Variants in PRELID2 observed in about 807,000 individuals in gnomAD.
PRELID2 encodes PRELI domain containing 2.
Under a neutral mutation model 28.4 loss-of-function variants are expected in PRELID2, and 25 were observed. That is an observed-to-expected ratio of 0.88 (90% CI 0.64 to 1.23). The LOEUF is 1.23. Ranked by LOEUF, PRELID2 falls within the 50% of genes most tolerant of loss-of-function variation. PRELID2 has a pLI of 0.00. For synonymous variants in PRELID2, 76 were observed against 71.6 expected (o/e 1.06, Z -0.31); for missense variants, 201 against 214.4 (o/e 0.94, Z 0.39).
At chr5:145,678,970 C>T (rs1754878746) in intron 1 of PRELID2, among the ~76,000 whole-genome samples, 1 of 152,146 alleles carries the variant, frequency 6.6e-6, no homozygotes. Flanking sequence ...ATGTTGTCCT[C>T]GCTGATCTCT....
chr5:145,732,976 G>C (rs529400664), intron 1 of PRELID2, among the ~76,000 whole-genome samples: 4 of 151,182 alleles, frequency 2.6e-5, no homozygotes, highest in East Asian at 3.9e-4. Context: ...ATTTGTATAG[G>C]TGTTTTTCAA....
intron 1 of PRELID2, among the ~76,000 whole-genome samples, chr5:145,490,596 G>C (rs1185257495): frequency 6.6e-6 from 1 of 151,870 alleles, no homozygotes; most frequent in Non-Finnish European, 1.5e-5. Flanking sequence ...AATGCTAAAG[G>C]GAAACATAAA....
intron 1 of PRELID2, among the ~76,000 whole-genome samples, chr5:145,509,183 A>T (rs1415184842): frequency 6.6e-6 from 1 of 152,216 alleles, no homozygotes; most frequent in Non-Finnish European, 1.5e-5. Context: ...TACAACAGCA[A>T]TGACAACTGC....
intron 1 of PRELID2, among the ~76,000 whole-genome samples, chr5:145,497,330 G>A (rs1752317897): frequency 6.6e-6 from 1 of 151,964 alleles, no homozygotes; most frequent in Admixed American, 6.6e-5. Context: ...CCTCATAGTA[G>A]GAAAAAAATG....
At chr5:145,286,598 C>G in the PRELID2 span, among the ~76,000 whole-genome samples, 1 of 152,122 alleles carries the variant, frequency 6.6e-6, no homozygotes, top group Non-Finnish European at 1.5e-5. Flanking sequence ...AAGAAGCACT[C>G]TTTTTCATCA....
At chr5:145,697,560 G>C (rs769048287) in intron 1 of PRELID2, among the ~76,000 whole-genome samples, 3 of 152,198 alleles carry the variant, frequency 2.0e-5, no homozygotes, top group Non-Finnish European at 2.9e-5. Flanking sequence ...TATGCTAGCA[G>C]AGTAGAGGTC....
At chr5:145,677,570 G>A (rs1371989319) in intron 1 of PRELID2, among the ~76,000 whole-genome samples, 5 of 152,214 alleles carry the variant, frequency 3.3e-5, no homozygotes, top group South Asian at 2.1e-4. Flanking sequence ...TAGCAAGTGC[G>A]GCACAGATGA....
the PRELID2 span, among the ~76,000 whole-genome samples, chr5:145,360,043 C>T: frequency 6.6e-6 from 1 of 152,174 alleles, no homozygotes; most frequent in Non-Finnish European, 1.5e-5. Flanking sequence ...AAGCCCAAGG[C>T]TTGGGCAGGT....
chr5:145,545,880 T>G (rs181422888), intron 1 of PRELID2, among the ~76,000 whole-genome samples: 11 of 152,248 alleles, frequency 7.2e-5, no homozygotes, highest in African/African-American at 2.4e-4. Context: ...TCCTTTTCCT[T>G]AAAGTTGTTC....
chr5:145,236,669 C>T, the PRELID2 span, among the ~76,000 whole-genome samples: 1 of 152,076 alleles, frequency 6.6e-6, no homozygotes, highest in African/African-American at 2.4e-5. Context: ...CTTTTTACTT[C>T]CTTTTTTCTC....
chr5:145,415,618 T>A, the PRELID2 span, among the ~76,000 whole-genome samples: 14 of 150,868 alleles, frequency 9.3e-5, no homozygotes, highest in South Asian at 2.1e-4. Flanking sequence ...ACTCATCATT[T>A]TTTATGGCTG....
At chr5:145,341,716 GAA>G in the PRELID2 span, among the ~76,000 whole-genome samples, 1 of 131,144 alleles carries the variant, frequency 7.6e-6, no homozygotes. Flanking sequence ...CAAAATTTTA[GAA>G]AAAAAAAAAA....
the PRELID2 span, among the ~76,000 whole-genome samples, chr5:145,382,278 T>C: frequency 6.6e-6 from 1 of 151,992 alleles, no homozygotes; most frequent in South Asian, 2.1e-4. Flanking sequence ...TGAATAATGT[T>C]AAGCAGTCTA....
intron 1 of PRELID2, among the ~76,000 whole-genome samples, chr5:145,707,075 A>G (rs1182065902): frequency 1.3e-5 from 2 of 152,184 alleles, no homozygotes; most frequent in African/African-American, 2.4e-5. Flanking sequence ...ACGTGAAAAA[A>G]TTTATTAAGC....
chr5:145,610,563 G>C (rs773631301), intron 1 of PRELID2, among the ~76,000 whole-genome samples: 1 of 152,178 alleles, frequency 6.6e-6, no homozygotes, highest in Admixed American at 6.5e-5. Flanking sequence ...GCTTATGAGA[G>C]ATCCTGACTA....
At chr5:145,252,123 C>A in the PRELID2 span, among the ~76,000 whole-genome samples, 14 of 152,250 alleles carry the variant, frequency 9.2e-5, no homozygotes, top group South Asian at 2.9e-3. Context: ...TTGGCATCAC[C>A]TGGGAGCTTG....
the PRELID2 span, among the ~76,000 whole-genome samples, chr5:145,298,475 T>C: frequency 6.6e-6 from 1 of 152,146 alleles, no homozygotes; most frequent in African/African-American, 2.4e-5. Context: ...TAATTCAAGA[T>C]GGATTAAAGA....
chr5:145,800,131 G>A (rs1371739549), intron 4 of PRELID2, among the ~76,000 whole-genome samples: 1 of 152,048 alleles, frequency 6.6e-6, no homozygotes, highest in Non-Finnish European at 1.5e-5. Flanking sequence ...AAAAAAATCT[G>A]AGAAAATACT....
chr5:145,532,628 C>T (rs1428782978), intron 1 of PRELID2, among the ~76,000 whole-genome samples: 1 of 152,052 alleles, frequency 6.6e-6, no homozygotes, highest in African/African-American at 2.4e-5. Flanking sequence ...CCCATCCTGC[C>T]CCCAGCCCCT....
Sources: gnomAD v4.1 joint callset for allele counts (sites outside exome capture counted in the v4.1 genomes callset) on GRCh38, gnomAD v4.1.1 for gene constraint, MANE v1.5 for transcripts, NCBI Gene and HGNC (gene_info 2026-07-23, HGNC 2026-07-21) for gene names.